WDSUB1: variants seen among roughly 807,000 people sequenced by gnomAD.
The protein encoded by WDSUB1 is WD repeat, SAM and U-box domain-containing protein 1.
WDSUB1 carries 49 observed loss-of-function variants against 53.9 expected under a neutral mutation model. The observed-to-expected ratio is 0.91, with a 90% confidence interval of 0.72 to 1.15. The LOEUF (loss-of-function observed/expected upper bound fraction) is 1.15, where lower values mean the gene tolerates loss of function less well. Among genes scored for constraint, WDSUB1 ranks in the 50% most tolerant of loss-of-function variants. The pLI is 0.00. For missense variants in WDSUB1, 514 were observed against 562.0 expected (o/e 0.91, Z 0.86); for synonymous variants, 194 against 200.6 (o/e 0.97, Z 0.28).
chr2:159,274,460 GA>G (rs1446310883), intron 4 of WDSUB1, among the ~76,000 whole-genome samples: 1 of 152,122 alleles, frequency 6.6e-6, no homozygotes, highest in African/African-American at 2.4e-5. Flanking sequence ...GAATGACACA[GA>G]CATAGACCTG....
Position 159,247,287 on chromosome 2 carries a change from TGTGGACA to T in WDSUB1, c.1273+1078_1273+1084del, listed in dbSNP as rs559688931. Among the ~76,000 whole-genome samples, 18 of 152,330 alleles carry T rather than the reference TGTGGACA, an allele frequency of 1.2e-4. No homozygotes were observed. The East Asian group carries it at 3.5e-3, about 29-fold the overall frequency. ...ACTACATAATTAGTTCCACTAATAA[TGTGGACA>T]GTGGACAGCATATACAAAGTAAGTC... On this transcript the variant is annotated intron_variant, in intron 10 of 10. Transcript: ENST00000359774.
In WDSUB1 at chr2:159,242,743, G is replaced by A. The variant is rs533316643; in HGVS notation, c.1273+5629C>T. Among the ~76,000 whole-genome samples the A allele has an allele frequency of 1.1e-4, 17 of 148,050 alleles. 2 individuals are homozygous for A. Among genetic ancestry groups the A allele is most frequent in the African/African-American group, 2.6e-4 (10 of 38,226 alleles). ...ATAACTAGAAGGATACACCTAAACCGTATCATTGCTACATGAGAATACAGA... is the reference window on the plus strand; with the variant it reads ...ATAACTAGAAGGATACACCTAAACCATATCATTGCTACATGAGAATACAGA... On this transcript the variant is annotated intron_variant, in intron 10 of 10. Coordinates refer to ENST00000359774, the MANE Select transcript of WDSUB1 (RefSeq NM_001128212.3).
At chr2:159,261,562 A>G (rs2061188293) in intron 5 of WDSUB1, among the ~76,000 whole-genome samples, 1 of 152,128 alleles carries the variant, frequency 6.6e-6, no homozygotes, top group African/African-American at 2.4e-5. Flanking sequence ...TATTTGTGAA[A>G]TATCTGAAAT....
At chr2:159,277,150 GAAC>G (rs2061558297) in intron 3 of WDSUB1, among the ~76,000 whole-genome samples, 1 of 152,000 alleles carries the variant, frequency 6.6e-6, no homozygotes, top group Admixed American at 6.6e-5. Flanking sequence ...CTTTACTAAC[GAAC>G]AACAAATTAA....
At chr2:159,237,113 A>G (rs1261499685) in intron 10 of WDSUB1, among the ~76,000 whole-genome samples, 3 of 152,250 alleles carry the variant, frequency 2.0e-5, no homozygotes, top group Non-Finnish European at 2.9e-5. Flanking sequence ...CAGTATATTT[A>G]CTAACATAAA....
At chr2:159,256,731 A>G (rs2061072023) in intron 8 of WDSUB1, among the ~76,000 whole-genome samples, 1 of 152,238 alleles carries the variant, frequency 6.6e-6, no homozygotes, top group Non-Finnish European at 1.5e-5. Context: ...TCATCTGCAT[A>G]TCAGCACCAC....
intron 9 of WDSUB1, among the ~76,000 whole-genome samples, chr2:159,250,088 CAAAAAAA>C (rs374038625): frequency 0.14 from 11,484 of 83,582 alleles, 1,228 homozygotes; most frequent in East Asian, 0.3. Context: ...GACTCTGCCT[CAAAAAAA>C]AAAAAAAAAA....
intron 9 of WDSUB1, 138 bp downstream of exon 9, chr2:159,256,058 G>C (rs2061054666): frequency 2.8e-6 from 2 of 704,766 alleles, no homozygotes; most frequent in Admixed American, 3.7e-5. Flanking sequence ...ACAGCTGCTA[G>C]GATGGCCATA....
chr2:159,247,928 A>AAT (rs58296878), intron 10 of WDSUB1, among the ~76,000 whole-genome samples: 27 of 67,690 alleles, frequency 4.0e-4, no homozygotes, highest in African/African-American at 2.3e-3. Context: ...TATATATATA[A>AAT]ATATATATAT....
chr2:159,237,657 C>T (rs1159313439), intron 10 of WDSUB1, among the ~76,000 whole-genome samples: 1 of 152,136 alleles, frequency 6.6e-6, no homozygotes, highest in Non-Finnish European at 1.5e-5. Context: ...TATGTGCACA[C>T]AGTACATATA....
In WDSUB1 at chr2:159,256,346, A is replaced by T. The variant is rs1415523701; in HGVS notation, c.982T>A (p.Phe328Ile). 1.5e-5 allele frequency: 24 copies of T among 1,611,494 alleles called. No homozygotes were observed. Among genetic ancestry groups the T allele is most frequent in the Non-Finnish European group, 2.0e-5 (24 of 1,179,282 alleles). Residue 328 changes from phenylalanine (F) to isoleucine (I), a missense_variant, in exon 9 of 11, where the codon TTT (phenylalanine) becomes ATT (isoleucine). By Grantham distance (21) the Phe-to-Ile change is conservative. Coordinates refer to ENST00000359774, the MANE Select transcript of WDSUB1 (RefSeq NM_001128212.3). ...TCCTCCTCTGACCAATCTTCGGTAA[A>T]TTGCTTCAGCTGATGTTCTGTGCGC... The part of the protein sequence containing the change: ...ARRTEHQLKQ[F>I]TEDWSEEDVS...
intron 4 of WDSUB1, among the ~76,000 whole-genome samples, chr2:159,275,230 T>A (rs1414370510): frequency 6.6e-6 from 1 of 151,840 alleles, no homozygotes; most frequent in Non-Finnish European, 1.5e-5. Flanking sequence ...AAGCAGTACC[T>A]ACAGTGAATA....
intron 10 of WDSUB1, among the ~76,000 whole-genome samples, chr2:159,246,780 T>A (rs2060808050): frequency 6.6e-6 from 1 of 152,220 alleles, no homozygotes; most frequent in African/African-American, 2.4e-5. Flanking sequence ...TATTATGGCA[T>A]ATCTATGCAA....
chr2:159,264,059 T>G (rs2061283149), intron 5 of WDSUB1, among the ~76,000 whole-genome samples: 1 of 152,216 alleles, frequency 6.6e-6, no homozygotes, highest in African/African-American at 2.4e-5. Flanking sequence ...TAAAACCCAG[T>G]TCTGTGTAAT....
chr2:159,259,093 G>A (rs1298944034), intron 6 of WDSUB1, among the ~76,000 whole-genome samples: 4 of 151,528 alleles, frequency 2.6e-5, no homozygotes, highest in Admixed American at 6.6e-5. Flanking sequence ...GCACAATCTC[G>A]GCTCACTGCA....
chr2:159,257,833 T>C lies in WDSUB1; in HGVS notation c.877A>G (p.Thr293Ala). 6.2e-7 allele frequency: 1 copy of C among 1,614,166 alleles called. No individual in the cohort carries two copies. Among genetic ancestry groups the C allele is most frequent in the South Asian group, 1.1e-5 (1 of 91,078 alleles). Reference protein sequence around the residue: ...YVTTCAFAPNTLLLATGSMDK... With the variant: ...YVTTCAFAPNALLLATGSMDK... ...ATTGAACCAGTAGCAAGTAAAAGGG[T>C]ATTAGGTGCAAAAGCACAAGTTGTG... The change falls in exon 8 of 11, where the codon ACC (threonine) becomes GCC (alanine). Residue 293 changes from threonine to alanine, a missense_variant. Coordinates refer to ENST00000359774, the MANE Select transcript of WDSUB1 (RefSeq NM_001128212.3).
chr2:159,245,869 A>G (rs948928574), intron 10 of WDSUB1, among the ~76,000 whole-genome samples: 3 of 152,202 alleles, frequency 2.0e-5, no homozygotes, highest in Non-Finnish European at 4.4e-5. Flanking sequence ...AAAGTGAAAA[A>G]TAAGATTTCA....
In WDSUB1 at chr2:159,242,347, A is replaced by G. The variant is rs964921152; in HGVS notation, c.1273+6025T>C. Among the ~76,000 whole-genome samples, 25 of 144,056 alleles carry G rather than the reference A, an allele frequency of 1.7e-4. 2 individuals are homozygous for G. In the South Asian group the frequency reaches 1.9e-3, roughly 11 times the overall value. 94.5% of individuals were successfully genotyped at this position (144,056 alleles called of 152,430 possible). A position where few individuals can be genotyped will look rare whatever the true frequency, so the allele number is the denominator to read the frequency against. ...GCTGGGATTACAGGCGTGAGCCACC[A>G]CACCCGGCCAAAAGCAACTTTTTAA... is the stretch of plus-strand genomic sequence containing the variant. On this transcript the variant is annotated intron_variant, in intron 10 of 10. Coordinates refer to ENST00000359774, the MANE Select transcript of WDSUB1 (RefSeq NM_001128212.3).
At position 159,265,293 on chromosome 2, in the gene WDSUB1, C is replaced by CCACACACACACACA. The variant is rs75210001; in HGVS notation, c.771-5464_771-5451dup. Among the ~76,000 whole-genome samples, 1,398 of 149,460 alleles carry CCACACACACACACA rather than the reference C, an allele frequency of 9.4e-3. 14 individuals are homozygous for CCACACACACACACA. The highest frequency in any genetic ancestry group is 0.017 in the Middle Eastern group (5 of 292). ...CTTATCTCTAAAGCAAGCACACACA[C>CCACACACACACACA]CACACACACACACACACACACACAC... On this transcript the variant is annotated intron_variant, in intron 5 of 10. Coordinates refer to ENST00000359774, the MANE Select transcript of WDSUB1 (RefSeq NM_001128212.3).
Sources: allele counts gnomAD v4.1 joint callset (sites outside exome capture counted in the v4.1 genomes callset), GRCh38; gene constraint gnomAD v4.1.1; transcripts MANE v1.5; gene names NCBI Gene and HGNC (gene_info 2026-07-23, HGNC 2026-07-21).